EPHA6: variants seen among roughly 807,000 people sequenced by gnomAD.
EPHA6 encodes the protein EPH receptor A6, also known as ephrin type-A receptor 6.
Under a neutral mutation model 112.0 loss-of-function variants are expected in EPHA6, and 50 were observed. The observed-to-expected ratio is 0.45, with a 90% CI of 0.36 to 0.56. The LOEUF is 0.56. EPHA6 is among the 20% of genes least tolerant of loss of function. The pLI is 0.00. For missense variants in EPHA6, 1,280 were observed against 1,417.4 expected, an observed-to-expected ratio of 0.90 and a Z score of 1.56; for synonymous variants, 529 against 490.7, an observed-to-expected ratio of 1.08 and a Z score of -1.03.
chr3:97,648,647 A>C, intron 14 of EPHA6: 3 of 1,084,424 alleles, frequency 2.8e-6, no homozygotes. Context: ...TTAACCTTTT[A>C]GTAAAACATA....
chr3:97,211,228 T>C (rs763719769), intron 3 of EPHA6, among the ~76,000 whole-genome samples: 6 of 152,186 alleles, frequency 3.9e-5, no homozygotes, highest in Non-Finnish European at 7.4e-5. Context: ...GGCATTTTTT[T>C]GGAAAACAAT....
At chr3:96,965,822 A>G (rs1297922114) in intron 2 of EPHA6, among the ~76,000 whole-genome samples, 1 of 152,126 alleles carries the variant, frequency 6.6e-6, no homozygotes, top group Non-Finnish European at 1.5e-5. Flanking sequence ...CAAACTTCTT[A>G]TAAAGGGTTT....
At chr3:97,474,783 C>T (rs72928286) in intron 7 of EPHA6, among the ~76,000 whole-genome samples, 28,785 of 151,842 alleles carry the variant, frequency 0.19, 4,112 homozygotes, top group African/African-American at 0.38. Context: ...AGCTTTTAAA[C>T]ATCATTTTTC....
intron 15 of EPHA6, among the ~76,000 whole-genome samples, chr3:97,726,684 T>C (rs978877472): frequency 1.3e-5 from 2 of 152,214 alleles, no homozygotes; most frequent in Non-Finnish European, 1.5e-5. Flanking sequence ...TTTTATGTTA[T>C]TTTCATCCAA....
chr3:97,745,729 C>T (rs1212914495), intron 16 of EPHA6, among the ~76,000 whole-genome samples: 1 of 151,820 alleles, frequency 6.6e-6, no homozygotes, highest in Non-Finnish European at 1.5e-5. Context: ...CTAGGCCTTC[C>T]AAGGGCACCT....
intron 3 of EPHA6, among the ~76,000 whole-genome samples, chr3:97,161,166 G>T (rs933437762): frequency 2.6e-5 from 4 of 152,168 alleles, no homozygotes; most frequent in African/African-American, 9.7e-5. Flanking sequence ...TTTATTATGA[G>T]CATCTCAAAT....
chr3:97,469,632 G>A (rs2091163997), intron 7 of EPHA6, among the ~76,000 whole-genome samples: 1 of 151,634 alleles, frequency 6.6e-6, no homozygotes, highest in Admixed American at 6.6e-5. Context: ...ATAAGGGACA[G>A]GACTGATCAA....
chr3:97,243,848 C>G, intron 4 of EPHA6, 104 bp from the exon 5 acceptor site: 2 of 859,086 alleles, frequency 2.3e-6, no homozygotes, highest in South Asian at 3.7e-5. Flanking sequence ...AGAGTTCAAA[C>G]TAACATAAAA....
At chr3:97,366,367 C>A (rs1463924131) in intron 5 of EPHA6, among the ~76,000 whole-genome samples, 16 of 151,558 alleles carry the variant, frequency 1.1e-4, no homozygotes, top group Non-Finnish European at 4.4e-5. Context: ...GTGGTACTGA[C>A]CACAATGCCC....
rs59024112 is a variant in EPHA6 at position 97,541,727 on chromosome 3, G to GTT, written c.2386+9196_2386+9197dup. On this transcript the variant is annotated intron_variant, in intron 11 of 17. Coordinates refer to ENST00000389672, the MANE Select transcript of EPHA6 (RefSeq NM_001080448.3). Reference sequence around the variant, plus strand: ...GGGTGTGTCTTGTTTTCTTTTTTTTGTTTTTTTTTTTTTGTTTGTTTGTTT... The same window carrying GTT: ...GGGTGTGTCTTGTTTTCTTTTTTTTGTTTTTTTTTTTTTTTGTTTGTTTGTTT... Among the ~76,000 whole-genome samples, 721 of 131,900 alleles carry GTT rather than the reference G, an allele frequency of 5.5e-3. 4 individuals are homozygous for GTT. The highest frequency in any genetic ancestry group is 6.5e-3 in the Non-Finnish European group (386 of 59,274). 86.5% of individuals were successfully genotyped at this position (131,900 alleles called of 152,430 possible).
intron 3 of EPHA6, among the ~76,000 whole-genome samples, chr3:96,991,842 CAG>C (rs1282842515): frequency 6.6e-6 from 1 of 152,120 alleles, no homozygotes; most frequent in Non-Finnish European, 1.5e-5. Context: ...ACACATGGAA[CAG>C]GGGCAGGATA....
intron 5 of EPHA6, among the ~76,000 whole-genome samples, chr3:97,399,403 T>A (rs964153573): frequency 2.6e-5 from 4 of 151,538 alleles, no homozygotes; most frequent in Non-Finnish European, 5.9e-5. Flanking sequence ...GCAATAAACA[T>A]GATGTGGGGG....
chr3:97,211,398 A>G (rs190419571), intron 3 of EPHA6, among the ~76,000 whole-genome samples: 1 of 152,258 alleles, frequency 6.6e-6, no homozygotes, highest in Admixed American at 6.5e-5. Flanking sequence ...TGTCTTAGTC[A>G]GTTTGGGCTT....
At chr3:96,973,755 G>A (rs185426030) in intron 2 of EPHA6, among the ~76,000 whole-genome samples, 2,003 of 149,346 alleles carry the variant, frequency 0.013, 24 homozygotes, top group Middle Eastern at 0.024. Context: ...GAACCCGGGC[G>A]TGGGGGCTGC....
chr3:97,724,807 C>G (rs1047492183), intron 15 of EPHA6, among the ~76,000 whole-genome samples: 3 of 151,810 alleles, frequency 2.0e-5, no homozygotes, highest in Admixed American at 6.6e-5. Flanking sequence ...CTCAAAGAAC[C>G]CACTATGTAG....
chr3:97,391,004 A>G (rs1428717867), intron 5 of EPHA6, among the ~76,000 whole-genome samples: 1 of 152,152 alleles, frequency 6.6e-6, no homozygotes, highest in Non-Finnish European at 1.5e-5. Context: ...CTATTACACA[A>G]TAGAATCATA....
intron 1 of EPHA6, among the ~76,000 whole-genome samples, chr3:96,847,357 G>C: frequency 6.6e-6 from 1 of 151,346 alleles, no homozygotes; most frequent in East Asian, 1.9e-4. Context: ...AAATAATTTT[G>C]GATATTTATC....
At chr3:97,152,883 C>A (rs1336591119) in intron 3 of EPHA6, among the ~76,000 whole-genome samples, 1 of 152,052 alleles carries the variant, frequency 6.6e-6, no homozygotes, top group Non-Finnish European at 1.5e-5. Flanking sequence ...TACTCTTATC[C>A]TATGAATTCT....
chr3:97,037,178 A>G (rs1243032130), intron 3 of EPHA6, among the ~76,000 whole-genome samples: 1 of 152,132 alleles, frequency 6.6e-6, no homozygotes, highest in Non-Finnish European at 1.5e-5. Context: ...GAAGAAAATG[A>G]TAATACAAAC....
Sources: gnomAD v4.1 joint callset for allele counts (sites outside exome capture counted in the v4.1 genomes callset) on GRCh38, gnomAD v4.1.1 for gene constraint, MANE v1.5 for transcripts, NCBI Gene and HGNC (gene_info 2026-07-23, HGNC 2026-07-21) for gene names.